PRKG2: variants seen among roughly 807,000 people sequenced by gnomAD.
The protein encoded by PRKG2 is protein kinase cGMP-dependent 2.
A neutral mutation model predicts 97.2 loss-of-function variants in PRKG2; 33 were observed. The observed-to-expected ratio is 0.34, with a 90% CI of 0.26 to 0.45. The LOEUF (loss-of-function observed/expected upper bound fraction) is 0.45. PRKG2 is among the 20% of genes least tolerant of loss of function. PRKG2 has a pLI of 1.00. For missense variants in PRKG2, 638 were observed against 900.0 expected, an observed-to-expected ratio of 0.71 and a Z score of 3.73; for synonymous variants, 330 against 321.8, an observed-to-expected ratio of 1.03 and a Z score of -0.27.
Position 81,140,665 on chromosome 4 carries a change from T to C in PRKG2, c.1412A>G (p.Lys471Arg). ...AAAAGCAACATTCTCATTTTTTACT[T>C]TAACCTATGTAAGAAATGGAAAGAT... is the stretch of plus-strand genomic sequence containing the variant. Reference protein sequence around the residue: ...VGGFGRVELVKVKNENVAFAM... With the variant: ...VGGFGRVELVRVKNENVAFAM... The change falls in exon 12 of 19, where the codon AAA becomes AGA. Residue 471 changes from lysine to arginine, a missense_variant. Lys to Arg is a conservative substitution (Grantham distance 26). Coordinates refer to ENST00000264399, the MANE Select transcript of PRKG2 (RefSeq NM_006259.3). 1 of 1,605,404 alleles carries C rather than the reference T, an allele frequency of 6.2e-7. No homozygotes were observed. Among genetic ancestry groups the C allele is most frequent in the Non-Finnish European group, 8.5e-7 (1 of 1,173,024 alleles).
Position 81,204,790 on chromosome 4 carries a change from C to T in PRKG2, c.258G>A (p.Val86=), listed in dbSNP as rs1340980529. ...CIQLNKLQDV[V]HMQGGSPLQA... ...GAAGCGGGCTTCCTCCCTGCATATG[C>T]ACCACATCCTGCAGCTTGTTCAGCT... Residue 86 remains valine (V), a synonymous_variant, in exon 2 of 19, where the codon GTG becomes GTA. Transcript: ENST00000264399. 3 of 1,614,194 alleles carry T rather than the reference C, an allele frequency of 1.9e-6. No individual in the cohort carries two copies. The highest frequency in any genetic ancestry group is 1.7e-6 in the Non-Finnish European group (2 of 1,180,034).
chr4:81,146,000 T>C (rs1030075105), intron 9 of PRKG2, among the ~76,000 whole-genome samples: 1 of 152,170 alleles, frequency 6.6e-6, no homozygotes, highest in Non-Finnish European at 1.5e-5. Context: ...TCCAGATCTA[T>C]TCTCTACTCT....
At position 81,135,356 on chromosome 4, in the gene PRKG2, C is replaced by T. The variant is rs762593499; in HGVS notation, c.1635-60G>A. 5.8e-5 allele frequency: 87 copies of T among 1,501,916 alleles called. No individual in the cohort carries two copies. The Middle Eastern group carries it at 8.8e-4, about 15-fold the overall frequency. 93.0% of individuals were successfully genotyped at this position (1,501,916 alleles called of 1,614,324 possible). On this transcript the variant is annotated intron_variant, in intron 13 of 18. Coordinates refer to ENST00000264399, the MANE Select transcript of PRKG2 (RefSeq NM_006259.3). ...GATACACATCTTTGGTGCTGTTCTA[C>T]GTGTCAAATCAATTATTGGATTGGC...
intron 1 of PRKG2, among the ~76,000 whole-genome samples, chr4:81,208,127 A>G (rs1753778193): frequency 6.6e-6 from 1 of 152,212 alleles, no homozygotes; most frequent in East Asian, 1.9e-4. Flanking sequence ...GTTATAAAAC[A>G]ATCTGCTCTT....
chr4:81,110,392 A>G, intron 15 of PRKG2, 56 bp downstream of exon 15: 1 of 1,537,450 alleles, frequency 6.5e-7, no homozygotes, highest in Non-Finnish European at 8.8e-7. Context: ...ATCACTAGTT[A>G]GGTTATTTTT....
intron 14 of PRKG2, among the ~76,000 whole-genome samples, chr4:81,126,349 G>A (rs12486439): frequency 0.039 from 5,944 of 152,206 alleles, 407 homozygotes; most frequent in African/African-American, 0.14. Flanking sequence ...ATGTGCATGT[G>A]TCTTTATAGT....
chr4:81,123,042 C>T (rs1303355520), intron 14 of PRKG2, among the ~76,000 whole-genome samples: 2 of 152,202 alleles, frequency 1.3e-5, no homozygotes, highest in Non-Finnish European at 2.9e-5. Context: ...GTATTCTCCA[C>T]CTATTGGGAA....
intron 14 of PRKG2, among the ~76,000 whole-genome samples, chr4:81,111,755 G>A (rs1254818497): frequency 1.3e-5 from 2 of 152,160 alleles, no homozygotes; most frequent in Admixed American, 1.3e-4. Context: ...AATCGAAGCA[G>A]TGTATATGAT....
At chr4:81,141,895 G>C (rs979853124) in intron 11 of PRKG2, among the ~76,000 whole-genome samples, 1 of 152,132 alleles carries the variant, frequency 6.6e-6, no homozygotes, top group Non-Finnish European at 1.5e-5. Context: ...ATGAAGCAAG[G>C]ACTGGGTCTG....
In PRKG2 at chr4:81,204,880, C is replaced by T. The variant is rs762589855; in HGVS notation, c.168G>A (p.Glu56=). Residue 56 remains glutamate (E), a synonymous_variant, in exon 2 of 19, where the codon GAG becomes GAA. Transcript: ENST00000264399. Reference sequence around the variant, plus strand: ...TGGCCACAGTCTGCTTCGACAGCTGCTCCCGCAGCTCCTTCAAATGGTACT... The same window carrying T: ...TGGCCACAGTCTGCTTCGACAGCTGTTCCCGCAGCTCCTTCAAATGGTACT... ...EREYHLKELR[E]QLSKQTVAIA... The T allele has an allele frequency of 2.0e-5, 32 of 1,614,106 alleles. No individual in the cohort carries two copies. The highest frequency in any genetic ancestry group is 1.7e-6 in the Non-Finnish European group (2 of 1,180,052).
chr4:81,178,674 AT>A (rs1240817139), intron 2 of PRKG2, among the ~76,000 whole-genome samples: 3 of 151,818 alleles, frequency 2.0e-5, no homozygotes, highest in African/African-American at 7.3e-5. Flanking sequence ...ATTGGAGAGA[AT>A]CTAGGATGCA....
intron 8 of PRKG2, among the ~76,000 whole-genome samples, chr4:81,150,228 T>C (rs1748250630): frequency 6.6e-6 from 1 of 152,302 alleles, no homozygotes; most frequent in African/African-American, 2.4e-5. Flanking sequence ...GCATATGGTA[T>C]TCCTTTTGCA....
intron 2 of PRKG2, among the ~76,000 whole-genome samples, chr4:81,203,043 G>C (rs1753414909): frequency 6.6e-6 from 1 of 151,562 alleles, no homozygotes. Flanking sequence ...TACATATATA[G>C]TAATGTAATG....
chr4:81,192,302 G>A (rs558572952), intron 2 of PRKG2: 2 of 152,322 alleles, frequency 1.3e-5, no homozygotes, highest in East Asian at 3.9e-4. Context: ...CTTTAAAAGG[G>A]AAGATAATGG....
At chr4:81,090,008 T>C (rs1396504465) in intron 18 of PRKG2, among the ~76,000 whole-genome samples, 1 of 152,148 alleles carries the variant, frequency 6.6e-6, no homozygotes, top group Non-Finnish European at 1.5e-5. Context: ...ATAGATTTGG[T>C]CACCAGATAA....
rs190916970 is a variant in PRKG2, at chr4:81,183,702, G to A, written c.462-8743C>T. On this transcript the variant is annotated intron_variant, in intron 2 of 18. Coordinates refer to ENST00000264399, the MANE Select transcript of PRKG2 (RefSeq NM_006259.3). ...AGGGAGCCAAGCAGTCTAGCTCAGC[G>A]GATCCCACCCCCACAGAGACCAGCA... Among the ~76,000 whole-genome samples the A allele has an allele frequency of 1.4e-3, 211 of 152,122 alleles. 1 individual carries two copies. The highest frequency in any genetic ancestry group is 4.7e-3 in the African/African-American group (194 of 41,504).
intron 16 of PRKG2, 73 bp from the exon 17 acceptor site, chr4:81,104,505 A>G (rs1743128997): frequency 1.4e-6 from 1 of 720,492 alleles, no homozygotes; most frequent in Non-Finnish European, 1.9e-6. Flanking sequence ...AAAATTTTAA[A>G]TTAAAACTTA....
chr4:81,110,611 C>T lies in PRKG2; in HGVS notation c.1777G>A (p.Val593Ile), dbSNP rs1743803089. 1 of 1,613,646 alleles carries T rather than the reference C, an allele frequency of 6.2e-7. No individual in the cohort carries two copies. The highest frequency in any genetic ancestry group is 8.5e-7 in the Non-Finnish European group (1 of 1,179,894). The part of the protein sequence containing the change: ...ILDAEGYLKL[V>I]DFGFAKKIGS... ...ATTTTCTTCGCAAATCCAAAGTCAA[C>T]CTGGTAAAGAATAGCAAAGAAATTG... The change falls in exon 15 of 19, where the codon GTT becomes ATT. Residue 593 changes from valine (V) to isoleucine (I), a missense_variant and splice_region_variant. By Grantham distance (29) the Val-to-Ile change is conservative. Around this residue, in one of 3 missense-constraint regions of PRKG2, gnomAD observed 304 missense variants for 460.5 expected, o/e 0.66. Transcript: ENST00000264399.
intron 5 of PRKG2, among the ~76,000 whole-genome samples, chr4:81,167,702 T>C (rs1008967042): frequency 6.6e-6 from 1 of 152,064 alleles, no homozygotes; most frequent in Non-Finnish European, 1.5e-5. Flanking sequence ...GACATTGAAA[T>C]GATCTCTGAT....
Sources: allele counts gnomAD v4.1 joint callset (sites outside exome capture counted in the v4.1 genomes callset), GRCh38; gene constraint gnomAD v4.1.1; regional missense constraint gnomAD v4.1.1; transcripts MANE v1.5; gene names NCBI Gene and HGNC (gene_info 2026-07-23, HGNC 2026-07-21).